Variants in SMAD6 observed in about 807,000 individuals in gnomAD.
The protein encoded by SMAD6 is SMAD family member 6, also known as MAD homolog 6.
A neutral mutation model predicts 39.4 loss-of-function variants in SMAD6; 103 were observed. The ratio of observed to expected loss-of-function variants is 2.62; its 90% CI spans 2.23 to 3.08. The LOEUF (loss-of-function observed/expected upper bound fraction) is 3.08. Among genes scored for constraint, SMAD6 ranks in the 30% most tolerant of loss-of-function variants. The probability of loss-of-function intolerance (pLI) is 0.00; values close to 1 mark genes in which losing one functional copy is unlikely to be tolerated. For missense variants in SMAD6, 1,104 were observed against 742.9 expected (o/e 1.49, Z -5.65); for synonymous variants, 445 against 353.3 (o/e 1.26, Z -2.91).
In SMAD6 at chr15:66,716,620, A is replaced by G. The variant is rs750397362; in HGVS notation, c.952+122A>G. The G allele has an allele frequency of 3.9e-4, 305 of 775,160 alleles. 1 individual carries two copies. Among genetic ancestry groups the G allele is most frequent in the Admixed American group, 7.8e-4 (39 of 49,970 alleles). The allele number at this position is 775,160 out of a possible 1,614,324, so 48.0% of individuals were successfully genotyped here. A position where few individuals can be genotyped will look rare whatever the true frequency, so the allele number is the denominator to read the frequency against. On this transcript the variant is annotated intron_variant, in intron 3 of 3. Coordinates refer to ENST00000288840, the MANE Select transcript of SMAD6 (RefSeq NM_005585.5). ...TTCTTTTTGTTTCCCTTTTCCTCCA[A>G]TCCTTGGATGGGAAGGTTGCCAATG...
Position 66,703,144 on chromosome 15 carries a change from C to G in SMAD6, c.-115C>G, listed in dbSNP as rs1242778250. 13 of 746,926 alleles carry G rather than the reference C, an allele frequency of 1.7e-5. No homozygotes were observed. The highest frequency in any genetic ancestry group is 2.5e-5 in the Non-Finnish European group (13 of 518,090). 46.3% of individuals were successfully genotyped at this position (746,926 alleles called of 1,614,324 possible). On this transcript the variant is annotated 5_prime_UTR_variant, in exon 1 of 4. Transcript: ENST00000288840. ...GCTGTGCGCGGTCTGCACGGCGCTCCGCGGCGGAGCTTCATGTGGGGCTGC... is the reference window on the plus strand; with the variant it reads ...GCTGTGCGCGGTCTGCACGGCGCTCGGCGGCGGAGCTTCATGTGGGGCTGC...
intron 1 of SMAD6, 53 bp from the exon 2 acceptor site, chr15:66,711,615 T>C (rs202222604): frequency 1.5e-6 from 2 of 1,347,972 alleles, no homozygotes; most frequent in Non-Finnish European, 2.1e-6. Context: ...ATGTAGAACC[T>C]GAGGTGTGAG....
intron 3 of SMAD6, among the ~76,000 whole-genome samples, chr15:66,722,717 C>T (rs1220146242): frequency 6.6e-6 from 1 of 152,148 alleles, no homozygotes; most frequent in Non-Finnish European, 1.5e-5. Context: ...TTCCTAACAC[C>T]TCCTGAGTAT....
chr15:66,780,770 C>T (rs1257605296), intron 3 of SMAD6, among the ~76,000 whole-genome samples: 1 of 152,224 alleles, frequency 6.6e-6, no homozygotes, highest in Non-Finnish European at 1.5e-5. Flanking sequence ...CTCTGTGGCT[C>T]ATAACCTTTG....
chr15:66,749,585 T>C lies in SMAD6; in HGVS notation c.953-31412T>C, dbSNP rs191805293. ...GTGAGACATGATAGCTCCACTGTAC[T>C]CCAGCCTGGGTAACAGAGATCCTAC... On this transcript the variant is annotated intron_variant, in intron 3 of 3. Coordinates refer to ENST00000288840, the MANE Select transcript of SMAD6 (RefSeq NM_005585.5). Among the ~76,000 whole-genome samples, 8 of 152,176 alleles carry C rather than the reference T, an allele frequency of 5.3e-5. No homozygotes were observed. The East Asian group carries it at 1.2e-3, about 22-fold the overall frequency.
At chr15:66,757,287 TGAA>T (rs1894118143) in intron 3 of SMAD6, among the ~76,000 whole-genome samples, 1 of 152,168 alleles carries the variant, frequency 6.6e-6, no homozygotes, top group South Asian at 2.1e-4. Context: ...CGTCTCCCTC[TGAA>T]GGAGTGAACC....
intron 2 of SMAD6, among the ~76,000 whole-genome samples, chr15:66,715,593 C>A (rs1339180969): frequency 2.0e-5 from 3 of 152,120 alleles, no homozygotes; most frequent in Admixed American, 6.5e-5. Flanking sequence ...GTAGCAGAGG[C>A]ACAGGCCCAG....
intron 3 of SMAD6, among the ~76,000 whole-genome samples, chr15:66,757,193 C>T (rs1173621362): frequency 3.9e-5 from 6 of 152,182 alleles, no homozygotes; most frequent in African/African-American, 1.4e-4. Context: ...CAAAACACAG[C>T]AGACGTCCAG....
intron 2 of SMAD6, among the ~76,000 whole-genome samples, chr15:66,712,440 A>G (rs1893249838): frequency 6.6e-6 from 1 of 152,176 alleles, no homozygotes; most frequent in African/African-American, 2.4e-5. Context: ...GCACTTTGGG[A>G]GGCCAAGGAG....
At chr15:66,761,163 C>T (rs867563120) in intron 3 of SMAD6, among the ~76,000 whole-genome samples, 1 of 152,154 alleles carries the variant, frequency 6.6e-6, no homozygotes, top group South Asian at 2.1e-4. Context: ...CCGGGAAAAC[C>T]CCTCTCTGGA....
chr15:66,771,640 C>T (rs1894381046), intron 3 of SMAD6, among the ~76,000 whole-genome samples: 2 of 152,154 alleles, frequency 1.3e-5, no homozygotes, highest in South Asian at 4.1e-4. Flanking sequence ...GAGGCAGCAC[C>T]AAGGTGGGCT....
At chr15:66,733,613 G>T (rs1237213342) in intron 3 of SMAD6, among the ~76,000 whole-genome samples, 1 of 152,154 alleles carries the variant, frequency 6.6e-6, no homozygotes, top group Non-Finnish European at 1.5e-5. Flanking sequence ...AAATATAATT[G>T]ATTTTTATAT....
intron 1 of SMAD6, among the ~76,000 whole-genome samples, chr15:66,708,993 C>CTGGTCTGT (rs1485368337): frequency 6.6e-6 from 1 of 152,234 alleles, no homozygotes; most frequent in Non-Finnish European, 1.5e-5. Flanking sequence ...TCCCCTGTAA[C>CTGGTCTGT]ACCTGCAGCT....
intron 1 of SMAD6, chr15:66,707,875 T>TG: frequency 6.6e-6 from 1 of 152,374 alleles, no homozygotes; most frequent in Non-Finnish European, 1.5e-5. Context: ...GCTGGAAAGA[T>TG]GGGGGTGTAA....
At chr15:66,708,955 G>A (rs561422303) in intron 1 of SMAD6, among the ~76,000 whole-genome samples, 3 of 152,342 alleles carry the variant, frequency 2.0e-5, no homozygotes, top group Admixed American at 1.3e-4. Context: ...TTTGGAAAGG[G>A]TCACCTGATA....
In SMAD6 at chr15:66,703,041, G is replaced by C; in HGVS notation, c.-218G>C. The C allele has an allele frequency of 2.5e-6, 1 of 394,868 alleles. No individual in the cohort carries two copies. 24.5% of individuals were successfully genotyped at this position (394,868 alleles called of 1,614,324 possible). A position where few individuals can be genotyped will look rare whatever the true frequency, so the allele number is the denominator to read the frequency against. ...GCTGGCCGCGCGCGGACTGCGGCTC[G>C]GCGTGCGCGTGTTCCCGGCCGTCCC... On this transcript the variant is annotated 5_prime_UTR_variant, in exon 1 of 4. Coordinates refer to ENST00000288840, the MANE Select transcript of SMAD6 (RefSeq NM_005585.5).
intron 3 of SMAD6, among the ~76,000 whole-genome samples, chr15:66,750,079 C>T (rs1426413872): frequency 2.6e-5 from 4 of 152,178 alleles, no homozygotes; most frequent in African/African-American, 9.7e-5. Context: ...TATCGATTGC[C>T]AGCTTACCTT....
intron 3 of SMAD6, among the ~76,000 whole-genome samples, chr15:66,751,675 C>A (rs1253235127): frequency 6.6e-6 from 1 of 152,246 alleles, no homozygotes; most frequent in African/African-American, 2.4e-5. Context: ...CTGGCTGTGG[C>A]CCTCACCCCG....
intron 3 of SMAD6, chr15:66,740,732 C>T (rs180748564): frequency 6.6e-6 from 1 of 152,242 alleles, no homozygotes; most frequent in Non-Finnish European, 1.5e-5. Flanking sequence ...CCCTTTCACC[C>T]ACAGGAATGA....
Sources: gnomAD v4.1 joint callset for allele counts (sites outside exome capture counted in the v4.1 genomes callset) on GRCh38, gnomAD v4.1.1 for gene constraint, MANE v1.5 for transcripts, NCBI Gene and HGNC (gene_info 2026-07-23, HGNC 2026-07-21) for gene names.